Variants in SLC25A3 observed in about 807,000 individuals in gnomAD.
SLC25A3 encodes phosphate transport protein.
In SLC25A3, 14 loss-of-function variants were observed where a neutral mutation model predicts 37.1. The ratio of observed to expected loss-of-function variants is 0.38; its 90% CI spans 0.25 to 0.59. The LOEUF is 0.59. Among genes scored for constraint, SLC25A3 ranks in the 20% least tolerant of loss-of-function variants. SLC25A3 has a pLI of 0.67. For synonymous variants in SLC25A3, 161 were observed against 168.7 expected, an observed-to-expected ratio of 0.95 and a Z score of 0.36; for missense variants, 385 against 458.1, an observed-to-expected ratio of 0.84 and a Z score of 1.46.
chr12:98,593,846 C>A, intron 1 of SLC25A3, 106 bp downstream of exon 1: 1 of 1,076,182 alleles, frequency 9.3e-7, no homozygotes, highest in Non-Finnish European at 1.4e-6. Flanking sequence ...CAGCCTCTTT[C>A]GAAGGCCGCC....
At chr12:98,595,401 C>A in intron 2 of SLC25A3, 1 of 1,609,786 alleles carries the variant, frequency 6.2e-7, no homozygotes, top group Non-Finnish European at 8.5e-7. Context: ...TGAAGAAATA[C>A]TTACTTGATT....
chr12:98,600,163 T>C, intron 6 of SLC25A3, 36 bp downstream of exon 6: 1 of 1,320,098 alleles, frequency 7.6e-7, no homozygotes, highest in Non-Finnish European at 1.1e-6. Flanking sequence ...TCTGAAATTA[T>C]GAACAAATAA....
In SLC25A3 at chr12:98,601,231, A is replaced by G; in HGVS notation, c.875A>G (p.Lys292Arg). Residue 292 changes from lysine to arginine, a missense_variant, in exon 7 of 8, where the codon AAA becomes AGA. Physicochemically the swap from Lys to Arg is conservative, Grantham distance 26. Around this residue, in one of 2 missense-constraint regions of SLC25A3, gnomAD observed 276 missense variants for 367.6 expected, o/e 0.75. Transcript: ENST00000552981. ...GATTCTGTGGTATCTGTGTTGAATAAAGAAAAAGGTAGCAGTGCTTCTCTG... is the reference window on the plus strand; with the variant it reads ...GATTCTGTGGTATCTGTGTTGAATAGAGAAAAAGGTAGCAGTGCTTCTCTG... ...PADSVVSVLN[K>R]EKGSSASLVL... 1 of 1,614,084 alleles carries G rather than the reference A, an allele frequency of 6.2e-7. No homozygotes were observed.
Position 98,597,892 on chromosome 12 carries a change from T to G in SLC25A3, c.316T>G (p.Phe106Val). The change falls in exon 4 of 8, where the codon TTC becomes GTC. Residue 106 changes from phenylalanine to valine, a missense_variant. Transcript: ENST00000552981. ...AAAGTACAAGGGCATATTTAACGGA[T>G]TCTCAGTTACACTTAAAGAGGATGG... is the stretch of plus-strand genomic sequence containing the variant. ...PQKYKGIFNG[F>V]SVTLKEDGVR... is the part of the protein sequence containing the mutation. The G allele has an allele frequency of 6.2e-7, 1 of 1,614,108 alleles. No homozygotes were observed. Among genetic ancestry groups the G allele is most frequent in the Non-Finnish European group, 8.5e-7 (1 of 1,179,978 alleles).
At position 98,603,495 on chromosome 12, in the gene SLC25A3, A is replaced by G. The variant is rs927814625; in HGVS notation, c.*1967A>G. ...TGAGGAAAAAAGGAACATAGTCTCT[A>G]CCTCTTCCTGAGAGGAAAGTCAGTC... On this transcript the variant is annotated 3_prime_UTR_variant, in exon 8 of 8. Coordinates refer to ENST00000552981, the MANE Select transcript of SLC25A3 (RefSeq NM_002635.4). The G allele has an allele frequency of 1.3e-5, 2 of 152,164 alleles. No individual in the cohort carries two copies. The highest frequency in any genetic ancestry group is 4.8e-5 in the African/African-American group (2 of 41,430). 9.4% of individuals were successfully genotyped at this position (152,164 alleles called of 1,614,324 possible).
At chr12:98,599,108 C>T (rs2097595593) in intron 5 of SLC25A3, among the ~76,000 whole-genome samples, 1 of 150,672 alleles carries the variant, frequency 6.6e-6, no homozygotes, top group Admixed American at 6.6e-5. Flanking sequence ...GTTGTCCAGG[C>T]TGGAGTGCAA....
At chr12:98,595,467 C>A in intron 2 of SLC25A3, 3 of 1,613,308 alleles carry the variant, frequency 1.9e-6, no homozygotes. Context: ...CTGGCAGATT[C>A]TTTATCCTTT....
chr12:98,594,414 G>A, intron 2 of SLC25A3: 1 of 694,650 alleles, frequency 1.4e-6, no homozygotes, highest in Admixed American at 2.0e-5. Context: ...CTCTTTCTCC[G>A]CCGTGAGCTC....
rs752709360 is a variant in SLC25A3 at position 98,598,497 on chromosome 12, C to T, written c.460-25C>T. On this transcript the variant is annotated intron_variant, in intron 4 of 7. Coordinates refer to ENST00000552981, the MANE Select transcript of SLC25A3 (RefSeq NM_002635.4). ...AAACCAACACAACAGCAATTCACAT[C>T]CCTTCCTTGTGTTTTGGATTTTAGG... 11 of 1,611,460 alleles carry T rather than the reference C, an allele frequency of 6.8e-6. No individual in the cohort carries two copies. The Admixed American group carries it at 1.5e-4, about 22-fold the overall frequency.
intron 3 of SLC25A3, 96 bp downstream of exon 3, chr12:98,595,944 A>G: frequency 1.8e-6 from 2 of 1,119,660 alleles, no homozygotes; most frequent in African/African-American, 1.5e-5. Context: ...CAACTGCTAG[A>G]AACTTCAGTA....
At chr12:98,600,149 C>G (rs1221119230) in intron 6 of SLC25A3, 22 bp downstream of exon 6, 9 of 1,415,422 alleles carry the variant, frequency 6.4e-6, no homozygotes, top group Non-Finnish European at 9.0e-6. Flanking sequence ...TTAGAACACA[C>G]TTGTCTGAAA....
At position 98,597,990 on chromosome 12, in the gene SLC25A3, C is replaced by A; in HGVS notation, c.414C>A (p.Gly138=). 1 of 1,613,878 alleles carries A rather than the reference C, an allele frequency of 6.2e-7. No individual in the cohort carries two copies. The highest frequency in any genetic ancestry group is 8.5e-7 in the Non-Finnish European group (1 of 1,179,808). The change falls in exon 4 of 8, where the codon GGC becomes GGA. Residue 138 remains glycine (G), a synonymous_variant. Transcript: ENST00000552981. ...CCATGCAGGGACTCTGCAAGTTTGG[C>A]TTTTATGAAGTCTTTAAAGTCTTGT... ...GYSMQGLCKF[G]FYEVFKVLYS...
chr12:98,595,711 T>C lies in SLC25A3; in HGVS notation c.158-16T>C. ...GTTTTATATTAAAATGCATGGTGTG[T>C]CTTCTCTTACTACAGAGTACAGTTG... On this transcript the variant is annotated splice_polypyrimidine_tract_variant and intron_variant, in intron 2 of 7. Transcript: ENST00000552981. 1 of 1,614,128 alleles carries C rather than the reference T, an allele frequency of 6.2e-7. No individual in the cohort carries two copies. The highest frequency in any genetic ancestry group is 8.5e-7 in the Non-Finnish European group (1 of 1,180,014).
chr12:98,603,842 ATT>A lies in SLC25A3; in HGVS notation c.*2315_*2316del, dbSNP rs1329191401. ...GCGAATTCTCATTTCAGGTTTTTAA[ATT>A]ATACTAAAAGATTCTAGTAAGAAAA... On this transcript the variant is annotated 3_prime_UTR_variant, in exon 8 of 8. Coordinates refer to ENST00000552981, the MANE Select transcript of SLC25A3 (RefSeq NM_002635.4). 2 of 152,208 alleles carry A rather than the reference ATT, an allele frequency of 1.3e-5. No individual in the cohort carries two copies. The highest frequency in any genetic ancestry group is 2.9e-5 in the Non-Finnish European group (2 of 68,052). The allele number at this position is 152,208 out of a possible 1,614,324, so 9.4% of individuals were successfully genotyped here.
intron 4 of SLC25A3, 128 bp from the exon 5 acceptor site, chr12:98,598,394 A>G (rs1186730004): frequency 1.4e-6 from 2 of 1,409,622 alleles, no homozygotes; most frequent in Non-Finnish European, 2.0e-6. Flanking sequence ...GAGACCACAT[A>G]TATATTCCAT....
At chr12:98,594,179 G>A (rs1404567588) in intron 2 of SLC25A3, 44 bp downstream of exon 2, 2 of 1,507,118 alleles carry the variant, frequency 1.3e-6, no homozygotes, top group Middle Eastern at 3.4e-4. Flanking sequence ...GTCTACTTGT[G>A]GGCCGCCCAG....
rs2097599792 is a variant in SLC25A3, at chr12:98,604,016, G to C, written c.*2488G>C. ...TGCCTGTAAACCCAGCATTCTGGGA[G>C]GCCGAGGCGGGTGGATCACCTGAGG... is the stretch of plus-strand genomic sequence containing the variant. On this transcript the variant is annotated 3_prime_UTR_variant, in exon 8 of 8. Transcript: ENST00000552981. 6.6e-6 allele frequency: 1 copy of C among 152,116 alleles called. No individual in the cohort carries two copies. The highest frequency in any genetic ancestry group is 6.5e-5 in the Admixed American group (1 of 15,270). The allele number at this position is 152,116 out of a possible 1,614,324, so 9.4% of individuals were successfully genotyped here.
intron 3 of SLC25A3, among the ~76,000 whole-genome samples, chr12:98,597,410 G>A (rs1484828098): frequency 6.6e-6 from 1 of 151,118 alleles, no homozygotes; most frequent in East Asian, 1.9e-4. Flanking sequence ...GAGAGCTACT[G>A]TATTTCTTTT....
At chr12:98,593,948 T>C in intron 1 of SLC25A3, 27 bp from the exon 2 acceptor site, 2 of 1,613,686 alleles carry the variant, frequency 1.2e-6, no homozygotes, top group Non-Finnish European at 1.7e-6. Context: ...TTGCCTGTCC[T>C]CTAACCGTCG....
Sources: gnomAD v4.1 joint callset for allele counts (sites outside exome capture counted in the v4.1 genomes callset) on GRCh38, gnomAD v4.1.1 for gene constraint, gnomAD v4.1.1 regional missense constraint, MANE v1.5 for transcripts, NCBI Gene and HGNC (gene_info 2026-07-23, HGNC 2026-07-21) for gene names.